SRFBP1: variants seen among roughly 807,000 people sequenced by gnomAD.
SRFBP1 encodes serum response factor binding protein 1, also known as serum response factor-binding protein 1.
A neutral mutation model predicts 45.5 loss-of-function variants in SRFBP1; 47 were observed. The ratio of observed to expected loss-of-function variants is 1.03; its 90% CI spans 0.82 to 1.32. The LOEUF (loss-of-function observed/expected upper bound fraction) is 1.32, where lower values mean the gene tolerates loss of function less well. Ranked by LOEUF, SRFBP1 falls within the 40% of genes most tolerant of loss-of-function variation. The pLI is 0.00. For missense variants in SRFBP1, 621 were observed against 484.6 expected (o/e 1.28, Z -2.64); for synonymous variants, 203 against 166.3 (o/e 1.22, Z -1.70).
chr5:122,049,905 T>C (rs986905440), intron 2 of SRFBP1, among the ~76,000 whole-genome samples: 2 of 152,210 alleles, frequency 1.3e-5, no homozygotes, highest in Non-Finnish European at 2.9e-5. Context: ...TAGCACTAAA[T>C]GCTCACAAGA....
At chr5:122,060,368 A>G (rs1310012284) in intron 2 of SRFBP1, among the ~76,000 whole-genome samples, 2 of 151,992 alleles carry the variant, frequency 1.3e-5, no homozygotes, top group African/African-American at 4.8e-5. Flanking sequence ...TATCCATAAT[A>G]ACTCACCCTC....
At chr5:122,073,504 C>G (rs990799816) in intron 2 of SRFBP1, among the ~76,000 whole-genome samples, 2 of 152,128 alleles carry the variant, frequency 1.3e-5, no homozygotes, top group Non-Finnish European at 2.9e-5. Context: ...ATTCTATTTT[C>G]AGCATAAAAC....
intron 2 of SRFBP1, among the ~76,000 whole-genome samples, chr5:122,053,610 C>T (rs1290026697): frequency 6.6e-6 from 1 of 152,120 alleles, no homozygotes; most frequent in Non-Finnish European, 1.5e-5. Context: ...CACCCACCAG[C>T]TGAGTTCACA....
chr5:121,995,602 G>C lies in SRFBP1; in HGVS notation c.270+932G>C, dbSNP rs1367111447. 1.3e-5 allele frequency among the ~76,000 whole-genome samples: 2 copies of C among 150,754 alleles called. 1 individual carries two copies. The highest frequency in any genetic ancestry group is 2.9e-5 in the Non-Finnish European group (2 of 68,028). ...TGACACCCTAACATCACAATTAAAA[G>C]AACTAGAAAAGCAAGAGCAAACATT... On this transcript the variant is annotated intron_variant, in intron 4 of 7. Transcript: ENST00000339397.
intron 2 of SRFBP1, among the ~76,000 whole-genome samples, chr5:122,044,554 G>C (rs1280570289): frequency 6.6e-6 from 1 of 151,732 alleles, no homozygotes; most frequent in Admixed American, 6.6e-5. Context: ...CATTCTCACT[G>C]GTGTGAGATG....
intron 4 of SRFBP1, among the ~76,000 whole-genome samples, chr5:122,009,242 GTTTTC>G (rs1235789139): frequency 1.3e-5 from 2 of 151,980 alleles, no homozygotes; most frequent in Admixed American, 1.3e-4. Context: ...TAATTGGTTT[GTTTTC>G]TTAATGATTT....
At chr5:122,034,320 A>C (rs1458650175) in intron 2 of SRFBP1, among the ~76,000 whole-genome samples, 1 of 152,116 alleles carries the variant, frequency 6.6e-6, no homozygotes, top group Non-Finnish European at 1.5e-5. Flanking sequence ...TATTACATTT[A>C]GTCTGTTTTT....
chr5:121,965,606 T>A (rs968350101), intron 1 of SRFBP1, among the ~76,000 whole-genome samples: 2 of 152,234 alleles, frequency 1.3e-5, no homozygotes, highest in Non-Finnish European at 2.9e-5. Flanking sequence ...TGTATTATAG[T>A]TTGAAGTCAG....
intron 3 of SRFBP1, among the ~76,000 whole-genome samples, chr5:121,992,756 C>A (rs1428107093): frequency 6.6e-6 from 1 of 152,004 alleles, no homozygotes; most frequent in Non-Finnish European, 1.5e-5. Context: ...CACTTATTAG[C>A]CCATTTTAGA....
In SRFBP1 at chr5:122,070,054, G is replaced by A; in HGVS notation, n.312-5261G>A. The A allele has an allele frequency of 6.2e-7, 1 of 1,602,112 alleles. No homozygotes were observed. Among genetic ancestry groups the A allele is most frequent in the Non-Finnish European group, 8.6e-7 (1 of 1,169,396 alleles). On this transcript the variant is annotated intron_variant and non_coding_transcript_variant, in intron 2 of 2. Transcript: ENST00000504881. ...CTTAGCTAAGCAAATAACACTTACG[G>A]TGAAATTGTGCAGCCTGAGGCATAC...
intron 4 of SRFBP1, among the ~76,000 whole-genome samples, chr5:122,012,246 A>G (rs1202353304): frequency 6.6e-6 from 1 of 152,114 alleles, no homozygotes; most frequent in East Asian, 1.9e-4. Context: ...TCTAAGAATA[A>G]AATTCTTAAG....
intron 2 of SRFBP1, among the ~76,000 whole-genome samples, chr5:122,036,454 T>C (rs1293822737): frequency 1.3e-5 from 2 of 152,122 alleles, no homozygotes; most frequent in Non-Finnish European, 2.9e-5. Context: ...GGCCTGTCTT[T>C]GGGACTGGCT....
chr5:121,964,260 T>G (rs183117387), intron 1 of SRFBP1, among the ~76,000 whole-genome samples: 4 of 152,220 alleles, frequency 2.6e-5, no homozygotes, highest in Middle Eastern at 3.4e-3. Flanking sequence ...GTTTGTTACA[T>G]AGGTATACAT....
At chr5:122,015,923 C>G (rs765921619) in intron 4 of SRFBP1, among the ~76,000 whole-genome samples, 2 of 152,134 alleles carry the variant, frequency 1.3e-5, no homozygotes, top group Non-Finnish European at 2.9e-5. Flanking sequence ...CCCCTCCATC[C>G]TCCTCATATA....
intron 4 of SRFBP1, among the ~76,000 whole-genome samples, chr5:122,015,016 T>C (rs1283823039): frequency 6.6e-6 from 1 of 152,214 alleles, no homozygotes; most frequent in Non-Finnish European, 1.5e-5. Flanking sequence ...TGTTCATATA[T>C]TGAGAATTAC....
downstream of SRFBP1, among the ~76,000 whole-genome samples, chr5:122,032,732 GA>G (rs1391826036): frequency 6.6e-6 from 1 of 152,166 alleles, no homozygotes; most frequent in African/African-American, 2.4e-5. Flanking sequence ...TGTTGCAAAG[GA>G]AATATATGAA....
At chr5:122,054,024 C>G (rs1390195736) in intron 2 of SRFBP1, among the ~76,000 whole-genome samples, 1 of 152,210 alleles carries the variant, frequency 6.6e-6, no homozygotes, top group Non-Finnish European at 1.5e-5. Flanking sequence ...GGGCCAGAAG[C>G]TGGCAGCAAG....
At chr5:121,963,482 T>G (rs1751993663) in intron 1 of SRFBP1, among the ~76,000 whole-genome samples, 1 of 152,126 alleles carries the variant, frequency 6.6e-6, no homozygotes, top group Non-Finnish European at 1.5e-5. Context: ...TTGTAATGAC[T>G]TTGATGATGG....
Position 122,075,540 on chromosome 5 carries a change from T to C in SRFBP1, n.537T>C, listed in dbSNP as rs772565907. The C allele has an allele frequency of 1.9e-6, 3 of 1,567,544 alleles. No individual in the cohort carries two copies. The South Asian group carries it at 3.6e-5, about 19-fold the overall frequency. On this transcript the variant is annotated non_coding_transcript_exon_variant, in exon 3 of 3. Coordinates refer to the SRFBP1 transcript ENST00000504881. ...TCTCTGACATCTGCCCTGTATGCTG[T>C]ACTGTGATTTTGAAAAAAGAAAAAT...
Sources: allele counts gnomAD v4.1 joint callset (sites outside exome capture counted in the v4.1 genomes callset), GRCh38; gene constraint gnomAD v4.1.1; transcripts MANE v1.5; gene names NCBI Gene and HGNC (gene_info 2026-07-23, HGNC 2026-07-21).